The following MARCHF3 variants were observed in gnomAD, a reference collection of about 807,000 sequenced individuals.
MARCHF3 encodes E3 ubiquitin-protein ligase MARCHF3.
A neutral mutation model predicts 24.2 loss-of-function variants in MARCHF3; 13 were observed. The observed-to-expected ratio is 0.54, with a 90% CI of 0.35 to 0.85. The LOEUF (loss-of-function observed/expected upper bound fraction) is 0.85. MARCHF3 is among the 40% of genes least tolerant of loss of function. MARCHF3 has a pLI of 0.01. For synonymous variants in MARCHF3, 144 were observed against 137.3 expected (o/e 1.05, Z -0.34); for missense variants, 276 against 325.0 (o/e 0.85, Z 1.16).
At chr5:126,966,973 G>T (rs59681396) in intron 1 of MARCHF3, among the ~76,000 whole-genome samples, 3 of 33,874 alleles carry the variant, frequency 8.9e-5, no homozygotes, top group South Asian at 9.7e-4. Flanking sequence ...TTTTTTTAAA[G>T]AATTTTTTAT....
intron 3 of MARCHF3, among the ~76,000 whole-genome samples, chr5:126,889,192 A>G (rs538880692): frequency 2.0e-5 from 3 of 152,250 alleles, no homozygotes; most frequent in African/African-American, 7.2e-5. Flanking sequence ...CTGCTGTTGG[A>G]GTCTGGGTTT....
At chr5:126,948,337 A>T (rs1750098443) in intron 1 of MARCHF3, among the ~76,000 whole-genome samples, 1 of 152,166 alleles carries the variant, frequency 6.6e-6, no homozygotes. Flanking sequence ...TTTATCTTCA[A>T]TTCGCAGTTG....
At chr5:127,015,380 A>C (rs1228042937) in intron 1 of MARCHF3, among the ~76,000 whole-genome samples, 2 of 152,164 alleles carry the variant, frequency 1.3e-5, no homozygotes, top group African/African-American at 2.4e-5. Flanking sequence ...AGCAGGGAGG[A>C]GGGGAAAGTG....
intron 3 of MARCHF3, among the ~76,000 whole-genome samples, chr5:126,885,038 T>C (rs1183570245): frequency 6.6e-6 from 1 of 152,196 alleles, no homozygotes; most frequent in Non-Finnish European, 1.5e-5. Flanking sequence ...TTTCAGCTTC[T>C]CATTATTTAG....
intron 1 of MARCHF3, among the ~76,000 whole-genome samples, chr5:126,974,138 C>T (rs1379087707): frequency 6.6e-6 from 1 of 151,722 alleles, no homozygotes; most frequent in Non-Finnish European, 1.5e-5. Context: ...ACCTCATGAT[C>T]CACCCGCCTC....
intron 1 of MARCHF3, among the ~76,000 whole-genome samples, chr5:126,931,216 A>C (rs1317845280): frequency 1.3e-5 from 2 of 152,178 alleles, no homozygotes; most frequent in Admixed American, 1.3e-4. Flanking sequence ...GGCCAGGATG[A>C]AAGTGGTTTT....
chr5:126,924,363 T>A (rs1268707547), intron 1 of MARCHF3, among the ~76,000 whole-genome samples: 1 of 152,130 alleles, frequency 6.6e-6, no homozygotes, highest in Non-Finnish European at 1.5e-5. Context: ...CCTTCTCTAA[T>A]GAGACCAATG....
intron 3 of MARCHF3, among the ~76,000 whole-genome samples, chr5:126,891,481 G>T (rs1753688711): frequency 2.1e-5 from 2 of 93,598 alleles, no homozygotes; most frequent in African/African-American, 9.9e-5. Context: ...TGTAAGGAAG[G>T]GATCCAGTTT....
chr5:126,969,218 G>A (rs1016262481), intron 1 of MARCHF3, among the ~76,000 whole-genome samples: 18 of 152,172 alleles, frequency 1.2e-4, no homozygotes, highest in Non-Finnish European at 7.3e-5. Context: ...AGTAGATTTT[G>A]ATGGCCTCCA....
chr5:126,952,733 A>G lies in MARCHF3; in HGVS notation c.-56-34506T>C, dbSNP rs147285565. 1.3e-3 allele frequency among the ~76,000 whole-genome samples: 203 copies of G among 152,186 alleles called. 2 individuals carry two copies. The highest frequency in any genetic ancestry group is 4.7e-3 in the African/African-American group (194 of 41,530). On this transcript the variant is annotated intron_variant, in intron 1 of 4. Transcript: ENST00000308660. Reference sequence around the variant, plus strand: ...TGGGACAGTATCTTAACCACCCCCAATTACTTCAGTTGGGGAAACTGGCCC... The same window carrying G: ...TGGGACAGTATCTTAACCACCCCCAGTTACTTCAGTTGGGGAAACTGGCCC...
intron 1 of MARCHF3, among the ~76,000 whole-genome samples, chr5:127,027,691 CA>C (rs1753048288): frequency 6.6e-6 from 1 of 152,182 alleles, no homozygotes; most frequent in South Asian, 2.1e-4. Flanking sequence ...AAAAGGGGTC[CA>C]TTGTTGAAGA....
intron 1 of MARCHF3, among the ~76,000 whole-genome samples, chr5:126,962,655 G>A (rs1047147378): frequency 1.1e-4 from 17 of 152,126 alleles, no homozygotes; most frequent in African/African-American, 3.9e-4. Context: ...CAGGCTATGT[G>A]TATAAAGTGT....
chr5:126,946,761 G>GGGGTGTGTGTGTGTGTGT (rs1186024076), intron 1 of MARCHF3, among the ~76,000 whole-genome samples: 6 of 136,046 alleles, frequency 4.4e-5, no homozygotes, highest in South Asian at 4.9e-4. Context: ...TGTAAGTAGG[G>GGGGTGTGTGTGTGTGTGT]GTGTGTGTGT....
At chr5:126,978,342 C>G (rs1251612365) in intron 1 of MARCHF3, among the ~76,000 whole-genome samples, 1 of 152,060 alleles carries the variant, frequency 6.6e-6, no homozygotes, top group Non-Finnish European at 1.5e-5. Context: ...AGGTCCCATG[C>G]AGAATTAGTT....
intron 1 of MARCHF3, among the ~76,000 whole-genome samples, chr5:127,011,473 C>T (rs1212252197): frequency 6.6e-6 from 1 of 152,216 alleles, no homozygotes; most frequent in Admixed American, 6.5e-5. Flanking sequence ...TATTGTCTCT[C>T]ATTTGGGTAT....
rs1751292872 is a variant in MARCHF3 at position 126,978,833 on chromosome 5, T to C, written c.-57+51517A>G. ...GAGGAACTACATGGAGCAGGCCTCA[T>C]GGATGGGCTTCTGGGGCTCTCAGAT... On this transcript the variant is annotated intron_variant, in intron 1 of 4. Transcript: ENST00000308660. Among the ~76,000 whole-genome samples, 4 of 152,200 alleles carry C rather than the reference T, an allele frequency of 2.6e-5. No individual in the cohort carries two copies. The South Asian group carries it at 8.3e-4, about 31-fold the overall frequency.
Position 126,926,001 on chromosome 5 carries a change from A to C in MARCHF3, c.-56-7774T>G, listed in dbSNP as rs531318510. 1.6e-4 allele frequency among the ~76,000 whole-genome samples: 24 copies of C among 152,282 alleles called. 1 individual carries two copies. The highest frequency in any genetic ancestry group is 5.5e-4 in the African/African-American group (23 of 41,566). On this transcript the variant is annotated intron_variant, in intron 1 of 4. Coordinates refer to ENST00000308660, the MANE Select transcript of MARCHF3 (RefSeq NM_178450.5). ...AATGAAAGCTAAATGTGTTCTAAGG[A>C]CTGAAGGCTCCCAATTTGTTTTTGG...
chr5:127,011,437 T>C (rs1474404750), intron 1 of MARCHF3, among the ~76,000 whole-genome samples: 1 of 152,206 alleles, frequency 6.6e-6, no homozygotes, highest in Non-Finnish European at 1.5e-5. Context: ...CAAGGCTCTA[T>C]CTTGGTCTGA....
At chr5:126,888,940 C>T (rs1402481309) in intron 3 of MARCHF3, among the ~76,000 whole-genome samples, 2 of 152,056 alleles carry the variant, frequency 1.3e-5, no homozygotes, top group African/African-American at 4.8e-5. Context: ...AATTTTTGTA[C>T]TTTTAGTAGA....
Sources: gnomAD v4.1 joint callset for allele counts (sites outside exome capture counted in the v4.1 genomes callset) on GRCh38, gnomAD v4.1.1 for gene constraint, MANE v1.5 for transcripts, NCBI Gene and HGNC (gene_info 2026-07-23, HGNC 2026-07-21) for gene names.